Variants in LRRC43 observed in about 807,000 individuals in gnomAD.
LRRC43 encodes the protein leucine rich repeat containing 43.
In LRRC43, 62 loss-of-function variants were observed where a neutral mutation model predicts 64.3. That is an observed-to-expected ratio of 0.96 (90% CI 0.79 to 1.19). The LOEUF (loss-of-function observed/expected upper bound fraction) is 1.19, where lower values mean the gene tolerates loss of function less well. LRRC43 is among the 50% of genes most tolerant of loss of function. The pLI is 0.00. For missense variants in LRRC43, 868 were observed against 845.0 expected, an observed-to-expected ratio of 1.03 and a Z score of -0.34; for synonymous variants, 422 against 382.3, an observed-to-expected ratio of 1.10 and a Z score of -1.21.
At chr12:122,194,989 A>C (rs11837919) in intron 7 of LRRC43, among the ~76,000 whole-genome samples, 7,568 of 152,164 alleles carry the variant, frequency 0.05, 584 homozygotes, top group African/African-American at 0.17. Flanking sequence ...TTTATTGGTG[A>C]TCTTTGTTTT....
chr12:122,174,835 ATCTTTTT>A (rs1192606480), intron 1 of LRRC43, among the ~76,000 whole-genome samples: 2 of 148,746 alleles, frequency 1.3e-5, no homozygotes, highest in African/African-American at 2.5e-5. Context: ...CCTTGTTCAT[ATCTTTTT>A]TCTTTTTTTT....
intron 7 of LRRC43, among the ~76,000 whole-genome samples, chr12:122,197,043 C>G (rs768023240): frequency 6.6e-6 from 1 of 152,110 alleles, no homozygotes; most frequent in Non-Finnish European, 1.5e-5. Context: ...GGGGCAGTCA[C>G]GACAGGTCAT....
At chr12:122,183,400 T>G (rs2136027559) in intron 1 of LRRC43, 106 bp downstream of exon 1, 1 of 1,245,444 alleles carries the variant, frequency 8.0e-7, no homozygotes, top group East Asian at 3.2e-5. Flanking sequence ...ATCTGCGCAT[T>G]CTGGGGGCCG....
intron 1 of LRRC43, chr12:122,172,877 C>T: frequency 2.8e-6 from 2 of 720,236 alleles, no homozygotes; most frequent in Admixed American, 2.8e-5. Flanking sequence ...CCCTATGAGG[C>T]TGTGCCATCA....
chr12:122,176,446 G>C (rs1295356407), intron 1 of LRRC43, among the ~76,000 whole-genome samples: 2 of 152,158 alleles, frequency 1.3e-5, no homozygotes, highest in Non-Finnish European at 2.9e-5. Context: ...CACATGTGAC[G>C]AGGCAGTGCT....
At chr12:122,169,648 A>G (rs7974155) in intron 1 of LRRC43, among the ~76,000 whole-genome samples, 7 of 145,878 alleles carry the variant, frequency 4.8e-5, no homozygotes, top group Non-Finnish European at 7.5e-5. Context: ...CCCGGGAGGC[A>G]GAGGTTGCAG....
At chr12:122,173,683 C>CAA (rs374308237) in intron 1 of LRRC43, among the ~76,000 whole-genome samples, 7 of 98,500 alleles carry the variant, frequency 7.1e-5, no homozygotes, top group Admixed American at 1.1e-4. Context: ...GACTCTGTCT[C>CAA]AAAAAAAAAA....
intron 6 of LRRC43, 146 bp downstream of exon 6, chr12:122,191,713 G>A: frequency 1.6e-6 from 1 of 632,118 alleles, no homozygotes; most frequent in Non-Finnish European, 2.5e-6. Flanking sequence ...GGAGTGCGAT[G>A]GCGTAATCTC....
chr12:122,186,315 G>A lies in LRRC43; in HGVS notation c.522+15G>A, dbSNP rs753215919. 2 of 1,542,304 alleles carry A rather than the reference G, an allele frequency of 1.3e-6. No homozygotes were observed. The highest frequency in any genetic ancestry group is 1.8e-6 in the Non-Finnish European group (2 of 1,130,302). ...CCACACTCAAGGTGAAGGAGCCCCG[G>A]TCTGTGTTGAGTATTTGGGCCTCCG... On this transcript the variant is annotated intron_variant, in intron 3 of 11. Transcript: ENST00000339777.
chr12:122,193,315 G>A (rs140343033), intron 7 of LRRC43, among the ~76,000 whole-genome samples: 13,530 of 149,098 alleles, frequency 0.091, 863 homozygotes, highest in African/African-American at 0.18. Flanking sequence ...CAGGAGGCGG[G>A]GCTTGCAGTG....
chr12:122,197,196 T>G lies in LRRC43; in HGVS notation c.1350-2993T>G, dbSNP rs929301239. Among the ~76,000 whole-genome samples the G allele has an allele frequency of 5.3e-5, 8 of 152,316 alleles. No homozygotes were observed. The East Asian group carries it at 1.5e-3, about 29-fold the overall frequency. ...TCCTTCCCCACTTAAGTTTTGCTCTTGTCGCCCAGGCTAGAGTACAGTGGT... is the reference window on the plus strand; with the variant it reads ...TCCTTCCCCACTTAAGTTTTGCTCTGGTCGCCCAGGCTAGAGTACAGTGGT... On this transcript the variant is annotated intron_variant, in intron 7 of 11. Coordinates refer to ENST00000339777, the MANE Select transcript of LRRC43 (RefSeq NM_001098519.2).
In LRRC43 at chr12:122,183,238, C is replaced by A; in HGVS notation, c.94C>A (p.Arg32Ser). The change falls in exon 1 of 12, where the codon CGC becomes AGC. Residue 32 changes from arginine to serine, a missense_variant. By Grantham distance (110) the Arg-to-Ser change is moderately radical. Coordinates refer to ENST00000339777, the MANE Select transcript of LRRC43 (RefSeq NM_001098519.2). ...PGTGTVSAAV[R>S]EHLRKLCLRE... is the part of the protein sequence containing the mutation. ...GACCGGGACCGTGAGCGCGGCCGTG[C>A]GCGAGCACTTGCGGAAGCTGTGTCT... The A allele has an allele frequency of 1.3e-6, 2 of 1,569,516 alleles. No individual in the cohort carries two copies. The highest frequency in any genetic ancestry group is 1.8e-5 in the Admixed American group (1 of 57,132).
In LRRC43 at chr12:122,192,110, T is replaced by C. The variant is rs199937107; in HGVS notation, c.1089+543T>C. Among the ~76,000 whole-genome samples, 23 of 152,016 alleles carry C rather than the reference T, an allele frequency of 1.5e-4. No individual in the cohort carries two copies. In the East Asian group the frequency reaches 3.7e-3, roughly 24 times the overall value. On this transcript the variant is annotated intron_variant, in intron 6 of 11. Transcript: ENST00000339777. Reference sequence around the variant, plus strand: ...CCCGGCATTTCATAAGTCAGCCCCTTGTTCCCAGCCCCATTCTGCAATTTA... The same window carrying C: ...CCCGGCATTTCATAAGTCAGCCCCTCGTTCCCAGCCCCATTCTGCAATTTA...
In LRRC43 at chr12:122,190,125, T is replaced by A. The variant is rs892822416; in HGVS notation, c.663-5T>A. 1.9e-6 allele frequency: 3 copies of A among 1,613,076 alleles called. No individual in the cohort carries two copies. The African/African-American group carries it at 4.0e-5, about 22-fold the overall frequency. On this transcript the variant is annotated splice_region_variant and splice_polypyrimidine_tract_variant and intron_variant, in intron 4 of 11. Coordinates refer to ENST00000339777, the MANE Select transcript of LRRC43 (RefSeq NM_001098519.2). ...GACCCCCAGACGGTCCTGCTCACCT[T>A]CCAGGCCCAACCTCGTCTCCCTGGA...
intron 1 of LRRC43, among the ~76,000 whole-genome samples, chr12:122,177,298 C>A (rs771730100): frequency 6.6e-6 from 1 of 151,938 alleles, no homozygotes; most frequent in South Asian, 2.1e-4. Context: ...TGGGGGGCAG[C>A]GTGGAAAGCA....
rs1953823187 is a variant in LRRC43, at chr12:122,200,462, G to A, written c.1492-70G>A. 3 of 1,611,708 alleles carry A rather than the reference G, an allele frequency of 1.9e-6. No homozygotes were observed. The highest frequency in any genetic ancestry group is 1.7e-5 in the Admixed American group (1 of 60,004). ...AGTTCTCAGCGCCATTCCAGAAAGG[G>A]TGAGGGAGAGGTGACCCCAGGCAGC... is the stretch of plus-strand genomic sequence containing the variant. On this transcript the variant is annotated intron_variant, in intron 8 of 11. Transcript: ENST00000339777. This position sits in a 1 kb window ranked among gnomAD's most constrained non-coding sequence, Gnocchi z 4.6.
chr12:122,184,421 C>G lies in LRRC43; in HGVS notation c.151-98C>G. ...CTCTCTAGATTTCTAAACTCTATCC[C>G]TAATCGTCCAGTTTTATGATCTGTT... On this transcript the variant is annotated intron_variant, in intron 1 of 11. Coordinates refer to ENST00000339777, the MANE Select transcript of LRRC43 (RefSeq NM_001098519.2). The surrounding 1 kb of genome is among the most constrained non-coding windows in gnomAD (Gnocchi z 4.0). 2 of 1,440,174 alleles carry G rather than the reference C, an allele frequency of 1.4e-6. No homozygotes were observed. The highest frequency in any genetic ancestry group is 1.9e-6 in the Non-Finnish European group (2 of 1,069,498). The allele number at this position is 1,440,174 out of a possible 1,614,324, so 89.2% of individuals were successfully genotyped here.
rs1593151275 is a variant in LRRC43, at chr12:122,193,007, A to G, written c.1349+3A>G. Reference sequence around the variant, plus strand: ...CCCCGGCTCTGCCCGTCCCCAGGGTAAGGATGGAAATCTGAACCAGGGCAA... The same window carrying G: ...CCCCGGCTCTGCCCGTCCCCAGGGTGAGGATGGAAATCTGAACCAGGGCAA... On this transcript the variant is annotated splice_donor_region_variant and intron_variant, in intron 7 of 11. Coordinates refer to ENST00000339777, the MANE Select transcript of LRRC43 (RefSeq NM_001098519.2). The G allele has an allele frequency of 6.2e-7, 1 of 1,612,958 alleles. No individual in the cohort carries two copies. The highest frequency in any genetic ancestry group is 8.5e-7 in the Non-Finnish European group (1 of 1,179,488).
intron 1 of LRRC43, chr12:122,174,050 C>T (rs573504841): frequency 1.2e-6 from 2 of 1,613,050 alleles, no homozygotes; most frequent in Non-Finnish European, 1.7e-6. Context: ...CACCCTGGCT[C>T]CATCCCTGCA....
Sources: allele counts gnomAD v4.1 joint callset (sites outside exome capture counted in the v4.1 genomes callset), GRCh38; gene constraint gnomAD v4.1.1; non-coding constraint Gnocchi (gnomAD v3.1); transcripts MANE v1.5; gene names NCBI Gene and HGNC (gene_info 2026-07-23, HGNC 2026-07-21).